The following DAGLA variants were observed in gnomAD, a reference collection of about 807,000 sequenced individuals.
The protein encoded by DAGLA is diacylglycerol lipase alpha.
Under a neutral mutation model 102.6 loss-of-function variants are expected in DAGLA, and 22 were observed. That is an observed-to-expected ratio of 0.21 (90% CI 0.15 to 0.31). The LOEUF is 0.31. Ranked by LOEUF, DAGLA falls within the 10% of genes least tolerant of loss-of-function variation. The pLI, the probability that DAGLA is intolerant of heterozygous loss-of-function variation, is 1.00. For missense variants in DAGLA, 927 were observed against 1,446.6 expected (o/e 0.64, Z 5.83); for synonymous variants, 578 against 628.9 (o/e 0.92, Z 1.21).
chr11:61,686,658 T>C lies in DAGLA; in HGVS notation c.-45+6154T>C, dbSNP rs2064987117. Reference sequence around the variant, plus strand: ...GTCCTGGCCAGGGAGCCTGCGGCTCTGGGGTGGAGGTCGGGACGGTGGCCC... The same window carrying C: ...GTCCTGGCCAGGGAGCCTGCGGCTCCGGGGTGGAGGTCGGGACGGTGGCCC... On this transcript the variant is annotated intron_variant, in intron 1 of 19. Coordinates refer to ENST00000257215, the MANE Select transcript of DAGLA (RefSeq NM_006133.3). This position sits in a 1 kb window ranked among gnomAD's most constrained non-coding sequence, Gnocchi z 5.2. 6.6e-6 allele frequency among the ~76,000 whole-genome samples: 1 copy of C among 152,164 alleles called. No homozygotes were observed. The highest frequency in any genetic ancestry group is 2.4e-5 in the African/African-American group (1 of 41,444).
At chr11:61,699,276 G>T (rs1420178493) in intron 1 of DAGLA, among the ~76,000 whole-genome samples, 1 of 152,170 alleles carries the variant, frequency 6.6e-6, no homozygotes, top group Non-Finnish European at 1.5e-5. Flanking sequence ...GTCTGGTGTT[G>T]GCCTTACTGC....
chr11:61,694,836 G>T (rs1486902458), intron 1 of DAGLA, among the ~76,000 whole-genome samples: 2 of 152,214 alleles, frequency 1.3e-5, no homozygotes, highest in Non-Finnish European at 2.9e-5. Context: ...TGGATCGCTC[G>T]CATTACCCAC....
At chr11:61,712,582 C>T (rs1450856582) in intron 1 of DAGLA, among the ~76,000 whole-genome samples, 1 of 152,224 alleles carries the variant, frequency 6.6e-6, no homozygotes, top group African/African-American at 2.4e-5. Flanking sequence ...CTCCGCTCTG[C>T]CTTCTGCTCT....
chr11:61,728,857 C>A, intron 7 of DAGLA, 74 bp from the exon 8 acceptor site: 1 of 1,362,272 alleles, frequency 7.3e-7, no homozygotes, highest in Non-Finnish European at 1.0e-6. Context: ...GACGCCAGGG[C>A]CTGGGCCCCC....
chr11:61,712,126 A>G (rs1276262989), intron 1 of DAGLA, among the ~76,000 whole-genome samples: 1 of 152,184 alleles, frequency 6.6e-6, no homozygotes, highest in Non-Finnish European at 1.5e-5. Flanking sequence ...CTCTGTGCCC[A>G]GCTCCCTGAC....
At chr11:61,704,308 C>T (rs1310549403) in intron 1 of DAGLA, among the ~76,000 whole-genome samples, 10 of 151,656 alleles carry the variant, frequency 6.6e-5, no homozygotes, top group African/African-American at 1.7e-4. Context: ...TTGATAGAGA[C>T]GGGGTTTCAC....
At position 61,699,838 on chromosome 11, in the gene DAGLA, C is replaced by T. The variant is rs532529350; in HGVS notation, c.-45+19334C>T. Among the ~76,000 whole-genome samples, 14 of 152,290 alleles carry T rather than the reference C, an allele frequency of 9.2e-5. No homozygotes were observed. The South Asian group carries it at 1.9e-3, about 20-fold the overall frequency. On this transcript the variant is annotated intron_variant, in intron 1 of 19. Coordinates refer to ENST00000257215, the MANE Select transcript of DAGLA (RefSeq NM_006133.3). The stretch of plus-strand genomic sequence containing the variant: ...GCGGGCCCACAGCATGGAGGCCCTC[C>T]GTGTTTGCTTTTCCCAGCCCTGCAT...
intron 1 of DAGLA, among the ~76,000 whole-genome samples, chr11:61,701,468 G>A (rs992041317): frequency 1.3e-5 from 2 of 152,226 alleles, no homozygotes; most frequent in African/African-American, 4.8e-5. Flanking sequence ...CTGGTCTCGT[G>A]GATTGTACGA....
At chr11:61,723,619 C>T in intron 5 of DAGLA, 47 bp downstream of exon 5, 1 of 1,599,458 alleles carries the variant, frequency 6.3e-7, no homozygotes. Flanking sequence ...GCTTTGCTGT[C>T]TGGTGAGCAG....
At chr11:61,695,783 G>A (rs1277980872) in intron 1 of DAGLA, among the ~76,000 whole-genome samples, 1 of 152,196 alleles carries the variant, frequency 6.6e-6, no homozygotes, top group Admixed American at 6.5e-5. Flanking sequence ...CATATAGTGG[G>A]GGTGCTGGGC....
At position 61,680,483 on chromosome 11, in the gene DAGLA, C is replaced by G. The variant is rs2064931801; in HGVS notation, c.-66C>G. On this transcript the variant is annotated 5_prime_UTR_variant, in exon 1 of 20. Transcript: ENST00000257215. ...GGAGGTGGCGGTCGCGGCGGCGGGC[C>G]GAGCCCTGCGGCGGGCGGGAGGTAA... The G allele has an allele frequency of 6.6e-6, 1 of 151,390 alleles. No homozygotes were observed. The highest frequency in any genetic ancestry group is 1.5e-5 in the Non-Finnish European group (1 of 67,684). 9.4% of individuals were successfully genotyped at this position (151,390 alleles called of 1,614,324 possible).
intron 10 of DAGLA, 69 bp downstream of exon 10, chr11:61,735,071 T>TC (rs2065412241): frequency 1.3e-6 from 2 of 1,555,684 alleles, no homozygotes; most frequent in African/African-American, 2.7e-5. Flanking sequence ...GCTGAGGCTA[T>TC]CCTTCCAGGC....
At chr11:61,736,185 G>C (rs375604921) in intron 12 of DAGLA, 85 bp from the exon 13 acceptor site, 4 of 1,154,326 alleles carry the variant, frequency 3.5e-6, no homozygotes, top group East Asian at 2.4e-5. Context: ...GGATGGGGCA[G>C]GGTTCCTGAG....
intron 5 of DAGLA, among the ~76,000 whole-genome samples, chr11:61,724,585 C>T (rs1197693359): frequency 1.3e-5 from 2 of 152,214 alleles, no homozygotes; most frequent in Non-Finnish European, 2.9e-5. Flanking sequence ...CTCACCGTCC[C>T]ACCCTCCTGC....
chr11:61,729,125 G>A (rs188388118), intron 8 of DAGLA, 117 bp downstream of exon 8: 286 of 877,832 alleles, frequency 3.3e-4, no homozygotes, highest in Middle Eastern at 2.2e-3. Flanking sequence ...GCCCCTGCCC[G>A]GTCTCCCCCC....
intron 1 of DAGLA, among the ~76,000 whole-genome samples, chr11:61,703,523 C>T (rs2065125044): frequency 6.6e-6 from 1 of 152,154 alleles, no homozygotes; most frequent in Non-Finnish European, 1.5e-5. Context: ...GTTGCAAGAA[C>T]AGAGAGAAGG....
Position 61,741,192 on chromosome 11 carries a change from G to A in DAGLA, c.2014G>A (p.Ala672Thr), listed in dbSNP as rs1565265499. The change falls in exon 19 of 20, where the codon GCT becomes ACT. Residue 672 changes from alanine to threonine, a missense_variant. By Grantham distance (58) the Ala-to-Thr change is moderately conservative (BLOSUM62 0). Coordinates refer to ENST00000257215, the MANE Select transcript of DAGLA (RefSeq NM_006133.3). ...GGAGAACTACAACAAGGGGAAGACC[G>A]CTCTGCTCTCTGCAGCCAAGGTCAT... ...VLENYNKGKT[A>T]LLSAAKVMVS... 1.2e-6 allele frequency: 2 copies of A among 1,613,372 alleles called. No individual in the cohort carries two copies. The highest frequency in any genetic ancestry group is 1.7e-6 in the Non-Finnish European group (2 of 1,179,976).
Position 61,686,372 on chromosome 11 carries a change from C to T in DAGLA, c.-45+5868C>T, listed in dbSNP as rs1435969292. Among the ~76,000 whole-genome samples, 1 of 152,190 alleles carries T rather than the reference C, an allele frequency of 6.6e-6. No individual in the cohort carries two copies. Among genetic ancestry groups the T allele is most frequent in the Non-Finnish European group, 1.5e-5 (1 of 68,024 alleles). On this transcript the variant is annotated intron_variant, in intron 1 of 19. Coordinates refer to ENST00000257215, the MANE Select transcript of DAGLA (RefSeq NM_006133.3). The surrounding 1 kb of genome is among the most constrained non-coding windows in gnomAD (Gnocchi z 5.2). ...TTTCAGGGCTGCCCTCGAGGCCGTTCCCATCCCTGAGGACCCACTGAGGGG... is the reference window on the plus strand; with the variant it reads ...TTTCAGGGCTGCCCTCGAGGCCGTTTCCATCCCTGAGGACCCACTGAGGGG...
chr11:61,725,640 C>T (rs2135587652), intron 5 of DAGLA, among the ~76,000 whole-genome samples: 1 of 152,272 alleles, frequency 6.6e-6, no homozygotes, highest in South Asian at 2.1e-4. Flanking sequence ...CAGGGTAGCC[C>T]CCACTTAGGG....
Sources: allele counts gnomAD v4.1 joint callset (sites outside exome capture counted in the v4.1 genomes callset), GRCh38; gene constraint gnomAD v4.1.1; non-coding constraint Gnocchi (gnomAD v3.1); transcripts MANE v1.5; gene names NCBI Gene and HGNC (gene_info 2026-07-23, HGNC 2026-07-21).